Variants in RBFOX3 observed in about 807,000 individuals in gnomAD.
RBFOX3 encodes the protein RNA binding fox-1 homolog 3.
In RBFOX3, 17 loss-of-function variants were observed where a neutral mutation model predicts 48.7. The observed-to-expected ratio is 0.35, with a 90% CI of 0.24 to 0.52. The LOEUF is 0.52. Among genes scored for constraint, RBFOX3 ranks in the 20% least tolerant of loss-of-function variants. The pLI, the probability that RBFOX3 is intolerant of heterozygous loss-of-function variation, is 0.94. For missense variants in RBFOX3, 382 were observed against 497.5 expected (o/e 0.77, Z 2.21); for synonymous variants, 212 against 209.5 (o/e 1.01, Z -0.10).
chr17:79,097,170 T>G, intron 11 of RBFOX3, 122 bp downstream of exon 11: 1 of 834,804 alleles, frequency 1.2e-6, no homozygotes, highest in Non-Finnish European at 1.8e-6. Flanking sequence ...GCTCCCACGA[T>G]CCTCCCCCCC....
Position 79,611,017 on chromosome 17 carries a change from G to T in RBFOX3, c.-511C>A, listed in dbSNP as rs1316130581. Among the ~76,000 whole-genome samples, 6 of 151,316 alleles carry T rather than the reference G, an allele frequency of 4.0e-5. No homozygotes were observed. Among genetic ancestry groups the T allele is most frequent in the Non-Finnish European group, 8.9e-5 (6 of 67,654 alleles). On this transcript the variant is annotated 5_prime_UTR_variant, in exon 1 of 15. Coordinates refer to ENST00000693108, the MANE Select transcript of RBFOX3 (RefSeq NM_001350451.2). ...TCCTCCGACCACGCGAGCTGCTGGG[G>T]CCCGGCTGGGGCCGCTGTCCGAGGA...
At chr17:79,282,887 C>A (rs997133416) in intron 3 of RBFOX3, among the ~76,000 whole-genome samples, 1 of 152,262 alleles carries the variant, frequency 6.6e-6, no homozygotes, top group African/African-American at 2.4e-5. Context: ...ACCCTCAGCT[C>A]TGCCTGGTAC....
rs56182116 is a variant in RBFOX3, at chr17:79,194,753, GGTGTGTGT to G, written c.-34+41005_-34+41012del. Reference sequence around the variant, plus strand: ...AATTGAGACACTCCCTGTGTGTGTGGGTGTGTGTGTGTGTGTGTGTGTGTGTGAAATGC... The same window carrying G: ...AATTGAGACACTCCCTGTGTGTGTGGGTGTGTGTGTGTGTGTGTGAAATGC... On this transcript the variant is annotated intron_variant, in intron 4 of 14. Transcript: ENST00000693108. Among the ~76,000 whole-genome samples, 566 of 148,794 alleles carry G rather than the reference GGTGTGTGT, an allele frequency of 3.8e-3. 5 individuals are homozygous for G. Among genetic ancestry groups the G allele is most frequent in the African/African-American group, 0.013 (533 of 40,306 alleles).
rs946311326 is a variant in RBFOX3, at chr17:79,479,855, G to A, written c.-175+2599C>T. 2.6e-5 allele frequency among the ~76,000 whole-genome samples: 4 copies of A among 152,198 alleles called. No homozygotes were observed. The highest frequency in any genetic ancestry group is 1.5e-5 in the Non-Finnish European group (1 of 68,040). On this transcript the variant is annotated intron_variant, in intron 2 of 14. Coordinates refer to ENST00000693108, the MANE Select transcript of RBFOX3 (RefSeq NM_001350451.2). This position sits in a 1 kb window ranked among gnomAD's most constrained non-coding sequence, Gnocchi z 5.1. ...GTCACGGCCTGCAGGATGTCTGTACGTCAGGGCCCTCCCCTAGGGACAGAG... is the reference window on the plus strand; with the variant it reads ...GTCACGGCCTGCAGGATGTCTGTACATCAGGGCCCTCCCCTAGGGACAGAG...
chr17:79,132,872 G>A (rs1046608662), intron 4 of RBFOX3: 6 of 152,340 alleles, frequency 3.9e-5, no homozygotes, highest in African/African-American at 1.4e-4. Context: ...TCCCCTGGGA[G>A]CAGGAACCCT....
intron 1 of RBFOX3, among the ~76,000 whole-genome samples, chr17:79,591,208 G>A (rs1181031955): frequency 6.6e-6 from 1 of 152,194 alleles, no homozygotes; most frequent in African/African-American, 2.4e-5. Flanking sequence ...TGGTCCCGGG[G>A]GTCGGCACCC....
chr17:79,284,579 C>T lies in RBFOX3; in HGVS notation c.-74+23145G>A, dbSNP rs186902600. On this transcript the variant is annotated intron_variant, in intron 3 of 14. Transcript: ENST00000693108. Reference sequence around the variant, plus strand: ...TGACATGGAGTTTTGCTCTGTCACCCAGCAGGCTAGAGTGTAGTGGCTTGA... The same window carrying T: ...TGACATGGAGTTTTGCTCTGTCACCTAGCAGGCTAGAGTGTAGTGGCTTGA... Among the ~76,000 whole-genome samples, 295 of 146,240 alleles carry T rather than the reference C, an allele frequency of 2.0e-3. 1 individual carries two copies. The highest frequency in any genetic ancestry group is 7.2e-3 in the African/African-American group (281 of 38,852).
At chr17:79,608,840 G>T (rs1018196359) in intron 1 of RBFOX3, among the ~76,000 whole-genome samples, 3 of 152,176 alleles carry the variant, frequency 2.0e-5, no homozygotes, top group Non-Finnish European at 4.4e-5. Flanking sequence ...GGCCAGCCTC[G>T]GTCCTCGGCC....
chr17:79,380,236 G>A (rs1022346497), intron 2 of RBFOX3, among the ~76,000 whole-genome samples: 9 of 151,448 alleles, frequency 5.9e-5, no homozygotes, highest in Admixed American at 3.3e-4. Flanking sequence ...TCCAGCACAC[G>A]GGGCAGATCT....
chr17:79,415,472 C>A (rs1281737504), intron 2 of RBFOX3, among the ~76,000 whole-genome samples: 2 of 152,186 alleles, frequency 1.3e-5, no homozygotes, highest in African/African-American at 4.8e-5. Flanking sequence ...ACTTGGAAGC[C>A]CTGGACATCT....
chr17:79,337,700 C>T (rs900400505), intron 2 of RBFOX3, among the ~76,000 whole-genome samples: 13 of 152,200 alleles, frequency 8.5e-5, no homozygotes, highest in South Asian at 4.2e-4. Context: ...CAGCTGAACC[C>T]GTGAGGCAGA....
chr17:79,528,703 G>A (rs1206486267), intron 1 of RBFOX3, among the ~76,000 whole-genome samples: 3 of 152,056 alleles, frequency 2.0e-5, no homozygotes, highest in African/African-American at 7.2e-5. Flanking sequence ...TGAAGATGGA[G>A]GCAGAGGCTG....
In RBFOX3 at chr17:79,390,010, AGGTCTCCGCAGC is replaced by A. The variant is rs2061153557; in HGVS notation, c.-174-82198_-174-82187del. Among the ~76,000 whole-genome samples the A allele has an allele frequency of 2.1e-5, 2 of 93,248 alleles. No homozygotes were observed. The highest frequency in any genetic ancestry group is 6.9e-5 in the African/African-American group (2 of 29,124). 61.2% of individuals were successfully genotyped at this position (93,248 alleles called of 152,430 possible). ...CAGCCTCCAGGTCTCCGCAGCCTCC[AGGTCTCCGCAGC>A]CTCCAGGTCTCCGTAGCCTCCAGGT... On this transcript the variant is annotated intron_variant, in intron 2 of 14. Transcript: ENST00000693108. The surrounding 1 kb of genome is among the most constrained non-coding windows in gnomAD (Gnocchi z 4.2).
chr17:79,367,694 C>A (rs1239831833), intron 2 of RBFOX3, among the ~76,000 whole-genome samples: 1 of 152,174 alleles, frequency 6.6e-6, no homozygotes, highest in Non-Finnish European at 1.5e-5. Flanking sequence ...ATCCACCCCT[C>A]CGGGGAGGAC....
the RBFOX3 span, among the ~76,000 whole-genome samples, chr17:79,635,091 A>C: frequency 9.1e-5 from 9 of 99,012 alleles, no homozygotes; most frequent in African/African-American, 2.6e-4. Context: ...AAAAAAAAAA[A>C]AAAAAAAAAA....
intron 4 of RBFOX3, chr17:79,233,535 A>T (rs1363631512): frequency 1.3e-5 from 2 of 152,204 alleles, no homozygotes; most frequent in Admixed American, 6.5e-5. Flanking sequence ...AAAACTATTT[A>T]AAAAACCAAC....
chr17:79,228,087 G>A (rs973729948), intron 4 of RBFOX3, among the ~76,000 whole-genome samples: 27 of 152,180 alleles, frequency 1.8e-4, no homozygotes, highest in Admixed American at 6.5e-4. Flanking sequence ...CCCTTCCTCC[G>A]TAGGACGGAG....
chr17:79,529,231 T>C (rs1301757921), intron 1 of RBFOX3, among the ~76,000 whole-genome samples: 3 of 151,886 alleles, frequency 2.0e-5, no homozygotes, highest in African/African-American at 7.3e-5. Flanking sequence ...GGGATGGGGG[T>C]GCATTTTCTT....
intron 3 of RBFOX3, among the ~76,000 whole-genome samples, chr17:79,297,063 G>A (rs2074498818): frequency 6.6e-6 from 1 of 151,070 alleles, no homozygotes; most frequent in African/African-American, 2.4e-5. Context: ...ATCTTGGCCA[G>A]TGTCTTGCTC....
Sources: allele counts gnomAD v4.1 joint callset (sites outside exome capture counted in the v4.1 genomes callset), GRCh38; gene constraint gnomAD v4.1.1; non-coding constraint Gnocchi (gnomAD v3.1); transcripts MANE v1.5; gene names NCBI Gene and HGNC (gene_info 2026-07-23, HGNC 2026-07-21).